CERT1: variants seen among roughly 807,000 people sequenced by gnomAD.
CERT1 encodes ceramide transfer protein.
CERT1 carries 31 observed loss-of-function variants against 87.9 expected under a neutral mutation model. The observed-to-expected ratio is 0.35, with a 90% CI of 0.27 to 0.48. The LOEUF (loss-of-function observed/expected upper bound fraction) is 0.48, where lower values mean the gene tolerates loss of function less well. Among genes scored for constraint, CERT1 ranks in the 20% least tolerant of loss-of-function variants. CERT1 has a pLI of 0.99. For synonymous variants in CERT1, 289 were observed against 250.9 expected, an observed-to-expected ratio of 1.15 and a Z score of -1.44; for missense variants, 487 against 758.0, an observed-to-expected ratio of 0.64 and a Z score of 4.20.
At chr5:75,428,140 TAAG>T (rs1033785163) in intron 3 of CERT1, among the ~76,000 whole-genome samples, 1 of 152,180 alleles carries the variant, frequency 6.6e-6, no homozygotes, top group African/African-American at 2.4e-5. Flanking sequence ...TTTTTAGCTA[TAAG>T]AATACTAAGC....
intron 3 of CERT1, among the ~76,000 whole-genome samples, chr5:75,447,002 A>G (rs781153705): frequency 6.6e-6 from 1 of 152,230 alleles, no homozygotes; most frequent in Non-Finnish European, 1.5e-5. Context: ...ACTTGCAGTC[A>G]GAGCATAGAT....
At chr5:75,464,209 G>T (rs749640632) in intron 2 of CERT1, among the ~76,000 whole-genome samples, 1 of 152,164 alleles carries the variant, frequency 6.6e-6, no homozygotes, top group Non-Finnish European at 1.5e-5. Context: ...CACAACATTG[G>T]AGAAGTAAAG....
At chr5:75,395,354 G>A (rs1762204134) in intron 11 of CERT1, among the ~76,000 whole-genome samples, 1 of 151,930 alleles carries the variant, frequency 6.6e-6, no homozygotes, top group African/African-American at 2.4e-5. Flanking sequence ...TGCCAGCCTG[G>A]GCAACATAGC....
At chr5:75,381,048 G>C (rs1342675012) in intron 16 of CERT1, 24 bp downstream of exon 16, 1 of 1,611,602 alleles carries the variant, frequency 6.2e-7, no homozygotes, top group South Asian at 1.1e-5. Context: ...CATTATCAAA[G>C]AGCAAAAACA....
chr5:75,488,639 AT>A (rs987204467), intron 2 of CERT1, among the ~76,000 whole-genome samples: 1 of 151,818 alleles, frequency 6.6e-6, no homozygotes, highest in Non-Finnish European at 1.5e-5. Context: ...CTTGATCCAC[AT>A]TTTTTTTCTA....
intron 1 of CERT1, among the ~76,000 whole-genome samples, chr5:75,510,889 G>A (rs1368150772): frequency 6.6e-6 from 1 of 152,092 alleles, no homozygotes; most frequent in Non-Finnish European, 1.5e-5. Flanking sequence ...TGGATCTCAG[G>A]TTTATACACC....
In CERT1 at chr5:75,465,948, T is replaced by C. The variant is rs138255430; in HGVS notation, c.232-6767A>G. 6.7e-4 allele frequency among the ~76,000 whole-genome samples: 102 copies of C among 152,282 alleles called. 1 individual carries two copies. The highest frequency in any genetic ancestry group is 2.4e-3 in the African/African-American group (99 of 41,548). The stretch of plus-strand genomic sequence containing the variant: ...GGGGAGTTAACAAGATAGGAGATTG[T>C]AGGATAGAGGAAGCAATTAAGTATC... On this transcript the variant is annotated intron_variant, in intron 2 of 16. Transcript: ENST00000643780.
chr5:75,469,393 A>T (rs554581023), intron 2 of CERT1, among the ~76,000 whole-genome samples: 8 of 152,302 alleles, frequency 5.3e-5, no homozygotes, highest in African/African-American at 1.9e-4. Context: ...TAGAAAGGTT[A>T]TTCAAAGAAT....
chr5:75,412,206 T>C (rs1020257128), intron 7 of CERT1, among the ~76,000 whole-genome samples: 30 of 152,182 alleles, frequency 2.0e-4, no homozygotes, highest in African/African-American at 7.2e-4. Context: ...TTGTCCAAAT[T>C]CCATTTTCTA....
intron 5 of CERT1, 145 bp from the exon 6 acceptor site, chr5:75,419,569 G>GT (rs1464420457): frequency 1.6e-6 from 1 of 618,232 alleles, no homozygotes; most frequent in Non-Finnish European, 2.8e-6. Context: ...GGTAATCAAG[G>GT]TATGCTCAAT....
rs2111980797 is a variant in CERT1 at position 75,379,085 on chromosome 5, A to G, written c.*261T>C. On this transcript the variant is annotated 3_prime_UTR_variant, in exon 17 of 17. Coordinates refer to ENST00000643780, the MANE Select transcript of CERT1 (RefSeq NM_001379029.1). ...GGACTCCCAGCTACTGGGAAGGCTG[A>G]GATGAGAGGATTGTTTGAGGCCAGA... The G allele has an allele frequency of 3.1e-6, 1 of 324,702 alleles. No homozygotes were observed. The highest frequency in any genetic ancestry group is 5.7e-6 in the Non-Finnish European group (1 of 176,642). The allele number at this position is 324,702 out of a possible 1,614,324, so 20.1% of individuals were successfully genotyped here. A position where few individuals can be genotyped will look rare whatever the true frequency, so the allele number is the denominator to read the frequency against.
intron 2 of CERT1, among the ~76,000 whole-genome samples, chr5:75,493,472 T>C (rs1448475014): frequency 2.0e-5 from 3 of 152,224 alleles, no homozygotes; most frequent in African/African-American, 7.2e-5. Context: ...AAATAATTAT[T>C]CTTCAGAAGA....
In CERT1 at chr5:75,490,503, A is replaced by AT. The variant is rs1267938454; in HGVS notation, c.231+15478dup. 6.7e-4 allele frequency among the ~76,000 whole-genome samples: 85 copies of AT among 127,472 alleles called. 2 individuals carry two copies. Among genetic ancestry groups the AT allele is most frequent in the Admixed American group, 1.4e-3 (19 of 13,128 alleles). 83.6% of individuals were successfully genotyped at this position (127,472 alleles called of 152,430 possible). A position where few individuals can be genotyped will look rare whatever the true frequency, so the allele number is the denominator to read the frequency against. ...CAACACCTGTACGAAATTTTTATTT[A>AT]TTTATTTTTTTTTGAGACAGAGTCT... is the stretch of plus-strand genomic sequence containing the variant. On this transcript the variant is annotated intron_variant, in intron 2 of 16. Coordinates refer to ENST00000643780, the MANE Select transcript of CERT1 (RefSeq NM_001379029.1).
chr5:75,452,522 T>C (rs1405315401), intron 3 of CERT1, among the ~76,000 whole-genome samples: 2 of 152,142 alleles, frequency 1.3e-5, no homozygotes. Context: ...ATTTTTTTCA[T>C]AGTAAGCAGA....
At position 75,378,062 on chromosome 5, in the gene CERT1, T is replaced by G. The variant is rs1210252560; in HGVS notation, c.*1284A>C. 7 of 152,300 alleles carry G rather than the reference T, an allele frequency of 4.6e-5. No homozygotes were observed. The highest frequency in any genetic ancestry group is 1.0e-4 in the Non-Finnish European group (7 of 68,096). The allele number at this position is 152,300 out of a possible 1,614,324, so 9.4% of individuals were successfully genotyped here. A position where few individuals can be genotyped will look rare whatever the true frequency, so the allele number is the denominator to read the frequency against. The stretch of plus-strand genomic sequence containing the variant: ...CCAAAAAGTGTTGGGATTACAGGTG[T>G]GACCCACTGCACCTGGCCACTTTTG... On this transcript the variant is annotated 3_prime_UTR_variant, in exon 17 of 17. Coordinates refer to ENST00000643780, the MANE Select transcript of CERT1 (RefSeq NM_001379029.1).
chr5:75,373,006 A>G (rs1423991785), downstream of CERT1: 5 of 152,234 alleles, frequency 3.3e-5, no homozygotes, highest in African/African-American at 9.6e-5. Flanking sequence ...CCATGCTTCA[A>G]TGTTGTTTAC....
At chr5:75,399,886 C>T (rs535721277) in intron 10 of CERT1, among the ~76,000 whole-genome samples, 1 of 152,282 alleles carries the variant, frequency 6.6e-6, no homozygotes, top group Admixed American at 6.5e-5. Flanking sequence ...CGCCTGTAAT[C>T]CCAGCACTCT....
intron 3 of CERT1, among the ~76,000 whole-genome samples, chr5:75,428,729 G>A (rs1763737564): frequency 6.6e-6 from 1 of 150,536 alleles, no homozygotes; most frequent in African/African-American, 2.4e-5. Flanking sequence ...TCAACACAAA[G>A]AAAGAAACAA....
intron 2 of CERT1, among the ~76,000 whole-genome samples, chr5:75,495,871 G>T (rs1767037983): frequency 6.6e-6 from 1 of 151,772 alleles, no homozygotes; most frequent in African/African-American, 2.4e-5. Context: ...GCATACATAT[G>T]TAACTAACCT....
Sources: gnomAD v4.1 joint callset for allele counts (sites outside exome capture counted in the v4.1 genomes callset) on GRCh38, gnomAD v4.1.1 for gene constraint, MANE v1.5 for transcripts, NCBI Gene and HGNC (gene_info 2026-07-23, HGNC 2026-07-21) for gene names.